Variants in DOCK1 observed in about 807,000 individuals in gnomAD.
DOCK1 encodes the protein dedicator of cytokinesis protein 1.
A neutral mutation model predicts 262.7 loss-of-function variants in DOCK1; 138 were observed. That is an observed-to-expected ratio of 0.53 (90% CI 0.46 to 0.61). The LOEUF (loss-of-function observed/expected upper bound fraction) is 0.61. DOCK1 is among the 20% of genes least tolerant of loss of function. The pLI, the probability that DOCK1 is intolerant of heterozygous loss-of-function variation, is 0.00. For missense variants in DOCK1, 1,908 were observed against 2,370.7 expected (o/e 0.80, Z 4.05); for synonymous variants, 866 against 867.4 (o/e 1.00, Z 0.03).
chr10:127,400,680 G>A (rs1379631777), intron 38 of DOCK1, among the ~76,000 whole-genome samples: 1 of 152,092 alleles, frequency 6.6e-6, no homozygotes, highest in African/African-American at 2.4e-5. Flanking sequence ...CAGGTGGCTG[G>A]ACATAGAGTA....
intron 27 of DOCK1, among the ~76,000 whole-genome samples, chr10:127,209,279 A>T (rs1298791163): frequency 6.6e-6 from 1 of 152,252 alleles, no homozygotes; most frequent in African/African-American, 2.4e-5. Flanking sequence ...GAGTTTAAGA[A>T]TGAAAATGCA....
chr10:126,951,024 T>A (rs2036172366), intron 1 of DOCK1, among the ~76,000 whole-genome samples: 1 of 151,964 alleles, frequency 6.6e-6, no homozygotes. Context: ...AAGGTGGTAG[T>A]ATTGTTGGTA....
At chr10:126,971,566 G>T (rs2134686681) in intron 2 of DOCK1, among the ~76,000 whole-genome samples, 1 of 152,196 alleles carries the variant, frequency 6.6e-6, no homozygotes, top group African/African-American at 2.4e-5. Flanking sequence ...ACAGGTGCAT[G>T]CTGCCACACT....
At position 127,110,327 on chromosome 10, in the gene DOCK1, G is replaced by A. The variant is rs369209061; in HGVS notation, c.2596G>A (p.Val866Ile). Residue 866 changes from valine to isoleucine, a missense_variant, in exon 25 of 52, where the codon GTC becomes ATC. Physicochemically the swap from Val to Ile is conservative, Grantham distance 29. Around this residue, in one of 9 missense-constraint regions of DOCK1, gnomAD observed 518 missense variants for 575.1 expected, o/e 0.90. Coordinates refer to ENST00000623213, the MANE Select transcript of DOCK1 (RefSeq NM_001290223.2). ...GAAACTCTACTGCTTGATCGAAATC[G>A]TCCACAGTGACCTCTTCACACAGCA... ...IQKLYCLIEIVHSDLFTQHDC... is the reference protein window; with the variant it reads ...IQKLYCLIEIIHSDLFTQHDC... 3.6e-5 allele frequency: 58 copies of A among 1,613,126 alleles called. No individual in the cohort carries two copies. Among genetic ancestry groups the A allele is most frequent in the South Asian group, 2.0e-4 (18 of 90,748 alleles).
intron 27 of DOCK1, among the ~76,000 whole-genome samples, chr10:127,239,129 A>G (rs1052974274): frequency 3.9e-5 from 6 of 152,198 alleles, no homozygotes; most frequent in Admixed American, 3.9e-4. Context: ...AGTCCACCAC[A>G]GTAGGCGATT....
At chr10:126,951,349 ATTG>A (rs1465553947) in intron 1 of DOCK1, among the ~76,000 whole-genome samples, 1 of 148,126 alleles carries the variant, frequency 6.8e-6, no homozygotes, top group African/African-American at 2.5e-5. Context: ...TGATGGTAGT[ATTG>A]TTGATAGTAT....
At chr10:127,137,398 TA>T (rs2050792693) in intron 27 of DOCK1, 1 of 154,482 alleles carries the variant, frequency 6.5e-6, no homozygotes, top group Admixed American at 6.5e-5. Flanking sequence ...AAATGAAACA[TA>T]AAAATGAAGT....
intron 22 of DOCK1, among the ~76,000 whole-genome samples, chr10:127,060,517 GT>G (rs1391787497): frequency 6.6e-6 from 1 of 152,136 alleles, no homozygotes; most frequent in African/African-American, 2.4e-5. Flanking sequence ...TTGTACACAA[GT>G]TTTCAGGTAT....
At chr10:127,166,062 CTTAT>C (rs545769676) in intron 27 of DOCK1, among the ~76,000 whole-genome samples, 43 of 152,122 alleles carry the variant, frequency 2.8e-4, no homozygotes, top group Admixed American at 1.7e-3. Context: ...CCTGCATTTT[CTTAT>C]TTATTTATTT....
intron 4 of DOCK1, among the ~76,000 whole-genome samples, chr10:126,982,374 T>C (rs761375957): frequency 6.6e-6 from 1 of 152,110 alleles, no homozygotes; most frequent in African/African-American, 2.4e-5. Context: ...GAAGCAACAG[T>C]TGTTAAATTG....
chr10:127,182,197 A>G (rs1380524269), intron 27 of DOCK1, among the ~76,000 whole-genome samples: 2 of 152,204 alleles, frequency 1.3e-5, no homozygotes, highest in Admixed American at 6.5e-5. Context: ...CAAAGCAGGG[A>G]AAAGGGGCAC....
intron 1 of DOCK1, among the ~76,000 whole-genome samples, chr10:126,915,656 T>G (rs2032393841): frequency 6.6e-6 from 1 of 152,206 alleles, no homozygotes; most frequent in African/African-American, 2.4e-5. Flanking sequence ...TTTCACTGTG[T>G]TAGCCAGGAT....
intron 1 of DOCK1, among the ~76,000 whole-genome samples, chr10:126,947,306 T>C (rs1006524113): frequency 2.0e-5 from 2 of 101,558 alleles, no homozygotes; most frequent in Non-Finnish European, 4.7e-5. Flanking sequence ...AGTATTACTG[T>C]TGGTGGTGAT....
In DOCK1 at chr10:127,012,748, C is replaced by T. The variant is rs1208553672; in HGVS notation, c.1201+374C>T. Among the ~76,000 whole-genome samples, 7 of 152,112 alleles carry T rather than the reference C, an allele frequency of 4.6e-5. No individual in the cohort carries two copies. The highest frequency in any genetic ancestry group is 4.6e-4 in the Admixed American group (7 of 15,260). ...GATTTCATTTGTGCAGACTTGCTCC[C>T]CTGAGTTCTGTCATTTAAGTGATTT... On this transcript the variant is annotated intron_variant, in intron 12 of 51. Transcript: ENST00000623213. This position sits in a 1 kb window ranked among gnomAD's most constrained non-coding sequence, Gnocchi z 4.0.
intron 27 of DOCK1, among the ~76,000 whole-genome samples, chr10:127,174,201 CT>C (rs1440188077): frequency 2.6e-5 from 4 of 152,228 alleles, no homozygotes; most frequent in African/African-American, 9.6e-5. Flanking sequence ...GGGCTCAGGG[CT>C]CGCAGAGTGA....
At chr10:127,071,980 C>T (rs1200284396) in intron 23 of DOCK1, among the ~76,000 whole-genome samples, 1 of 152,166 alleles carries the variant, frequency 6.6e-6, no homozygotes, top group Non-Finnish European at 1.5e-5. Context: ...TCTCCTTTGG[C>T]CATGGTGGCT....
chr10:126,919,127 G>T (rs2032905960), intron 1 of DOCK1, among the ~76,000 whole-genome samples: 1 of 152,180 alleles, frequency 6.6e-6, no homozygotes, highest in South Asian at 2.1e-4. Flanking sequence ...GAATTGTGTG[G>T]CTCATCCCAA....
intron 29 of DOCK1, among the ~76,000 whole-genome samples, chr10:127,286,600 G>A (rs959515504): frequency 1.3e-5 from 2 of 151,956 alleles, no homozygotes; most frequent in African/African-American, 4.8e-5. Flanking sequence ...TATCATCCCA[G>A]CTTTGTCTTT....
In DOCK1 at chr10:127,419,655, G is replaced by A. The variant is rs1016897025; in HGVS notation, c.4693-11G>A. On this transcript the variant is annotated splice_polypyrimidine_tract_variant and intron_variant, in intron 45 of 51. Coordinates refer to ENST00000623213, the MANE Select transcript of DOCK1 (RefSeq NM_001290223.2). ...GCAGGTGCACTGAGCAACTCTCCTT[G>A]TCTCCACCAGGCCTTCTTTACAGAC... 2 of 1,596,244 alleles carry A rather than the reference G, an allele frequency of 1.3e-6. No individual in the cohort carries two copies. The highest frequency in any genetic ancestry group is 1.7e-6 in the Non-Finnish European group (2 of 1,170,874).
Sources: gnomAD v4.1 joint callset for allele counts (sites outside exome capture counted in the v4.1 genomes callset) on GRCh38, gnomAD v4.1.1 for gene constraint, gnomAD v4.1.1 regional missense constraint, Gnocchi (gnomAD v3.1) non-coding constraint, MANE v1.5 for transcripts, NCBI Gene and HGNC (gene_info 2026-07-23, HGNC 2026-07-21) for gene names.